PCLO: variants seen among roughly 807,000 people sequenced by gnomAD.
PCLO encodes protein piccolo.
In PCLO, 82 loss-of-function variants were observed where a neutral mutation model predicts 427.5. The ratio of observed to expected loss-of-function variants is 0.19; its 90% CI spans 0.16 to 0.23. PCLO has a LOEUF of 0.23. PCLO is among the 10% of genes least tolerant of loss of function. The probability of loss-of-function intolerance (pLI) is 1.00; values close to 1 mark genes in which losing one functional copy is unlikely to be tolerated. For missense variants in PCLO, 6,239 were observed against 6,115.9 expected (o/e 1.02, Z -0.67); for synonymous variants, 2,357 against 2,155.4 (o/e 1.09, Z -2.59).
intron 3 of PCLO, among the ~76,000 whole-genome samples, chr7:83,017,364 A>T (rs1562921089): frequency 1.3e-5 from 2 of 152,078 alleles, no homozygotes; most frequent in African/African-American, 2.4e-5. Context: ...GTAATTGAAT[A>T]GGACAAAGAA....
In PCLO at chr7:83,159,448, T is replaced by C. The variant is rs1792379656; in HGVS notation, c.248+2897A>G. Among the ~76,000 whole-genome samples the C allele has an allele frequency of 4.6e-5, 7 of 152,152 alleles. No individual in the cohort carries two copies. In the South Asian group the frequency reaches 1.4e-3, roughly 32 times the overall value. ...TAAATAGAAAGAGTAGAAAAAGTAA[T>C]GAAATTGCACTTCTCTGGGTCTACA... On this transcript the variant is annotated intron_variant, in intron 1 of 24. Coordinates refer to ENST00000333891, the MANE Select transcript of PCLO (RefSeq NM_033026.6).
chr7:82,826,122 G>A (rs6952492), intron 18 of PCLO, among the ~76,000 whole-genome samples: 2,729 of 151,578 alleles, frequency 0.018, 86 homozygotes, highest in African/African-American at 0.063. Context: ...TGATGTTAAT[G>A]TAAAAATTGT....
chr7:82,767,228 T>C (rs1237094913), intron 22 of PCLO, among the ~76,000 whole-genome samples: 1 of 152,114 alleles, frequency 6.6e-6, no homozygotes, highest in Non-Finnish European at 1.5e-5. Context: ...CATTAGAAAA[T>C]GCTTTGACCA....
intron 14 of PCLO, among the ~76,000 whole-genome samples, chr7:82,840,824 T>C (rs137935203): frequency 7.6e-4 from 116 of 152,094 alleles, no homozygotes; most frequent in Non-Finnish European, 1.4e-3. Flanking sequence ...TATTTCTTAT[T>C]TAGTCTAAAT....
intron 20 of PCLO, chr7:82,822,139 T>G (rs1293853648): frequency 9.5e-7 from 1 of 1,056,740 alleles, no homozygotes; most frequent in Non-Finnish European, 1.1e-6. Flanking sequence ...GGCAGCCACT[T>G]GTGCTTATAA....
chr7:82,814,589 C>T (rs567052879), intron 20 of PCLO, among the ~76,000 whole-genome samples: 2 of 150,844 alleles, frequency 1.3e-5, no homozygotes, highest in Non-Finnish European at 3.0e-5. Context: ...TTTAATAATC[C>T]AAAGAACTTT....
intron 9 of PCLO, 33 bp downstream of exon 9, chr7:82,902,617 CA>C (rs750224864): frequency 1.7e-4 from 222 of 1,272,612 alleles, no homozygotes; most frequent in Non-Finnish European, 2.2e-4. Flanking sequence ...AACAAAAAAA[CA>C]AAAAAAATAT....
At chr7:82,804,488 C>A (rs980245590) in intron 21 of PCLO, among the ~76,000 whole-genome samples, 3 of 152,088 alleles carry the variant, frequency 2.0e-5, no homozygotes, top group South Asian at 2.1e-4. Context: ...TTTATAAGAA[C>A]CTTTATTTTA....
intron 21 of PCLO, among the ~76,000 whole-genome samples, chr7:82,802,268 A>AAT (rs5885311): frequency 0.42 from 64,258 of 151,232 alleles, 14,421 homozygotes; most frequent in African/African-American, 0.56. Context: ...ATGAAAAAAA[A>AAT]CACATGAAAA....
chr7:83,138,164 A>C (rs1031820574), intron 2 of PCLO, among the ~76,000 whole-genome samples: 4 of 152,196 alleles, frequency 2.6e-5, no homozygotes, highest in African/African-American at 9.7e-5. Context: ...ACTTTTTTCT[A>C]TAAAATACCT....
intron 6 of PCLO, among the ~76,000 whole-genome samples, chr7:82,947,958 T>C (rs951770061): frequency 2.0e-5 from 3 of 152,150 alleles, no homozygotes; most frequent in African/African-American, 7.2e-5. Flanking sequence ...AAATAGTCAA[T>C]ATTCCACCTG....
intron 3 of PCLO, among the ~76,000 whole-genome samples, chr7:83,099,737 C>T (rs1790689444): frequency 1.3e-5 from 2 of 152,120 alleles, no homozygotes; most frequent in African/African-American, 2.4e-5. Flanking sequence ...GTATGATACA[C>T]TTGCAAATCT....
intron 3 of PCLO, among the ~76,000 whole-genome samples, chr7:83,022,085 G>A (rs906592822): frequency 6.6e-6 from 1 of 152,164 alleles, no homozygotes; most frequent in Admixed American, 6.5e-5. Flanking sequence ...GGCCTTTTGT[G>A]TAGTACTGAA....
Position 83,020,234 on chromosome 7 carries a change from A to T in PCLO, c.3301-53747T>A, listed in dbSNP as rs1583914807. 3.3e-5 allele frequency among the ~76,000 whole-genome samples: 5 copies of T among 152,000 alleles called. No individual in the cohort carries two copies. The South Asian group carries it at 8.3e-4, about 25-fold the overall frequency. Reference sequence around the variant, plus strand: ...TCTGAGAGAAGTGTAGGAAACAAAAACTAGTTTTGTGTTGTTGATGCATGC... The same window carrying T: ...TCTGAGAGAAGTGTAGGAAACAAAATCTAGTTTTGTGTTGTTGATGCATGC... On this transcript the variant is annotated intron_variant, in intron 3 of 24. Coordinates refer to ENST00000333891, the MANE Select transcript of PCLO (RefSeq NM_033026.6).
intron 13 of PCLO, among the ~76,000 whole-genome samples, chr7:82,843,050 T>C (rs1205222101): frequency 1.3e-5 from 2 of 152,164 alleles, no homozygotes; most frequent in African/African-American, 2.4e-5. Flanking sequence ...ATCTCACTGC[T>C]GAGCATATAT....
intron 3 of PCLO, among the ~76,000 whole-genome samples, chr7:82,980,075 G>A (rs1009033149): frequency 6.6e-6 from 1 of 151,788 alleles, no homozygotes; most frequent in Non-Finnish European, 1.5e-5. Context: ...CTAGAACATA[G>A]TCCATTCTGT....
At chr7:82,803,309 T>C (rs1428456502) in intron 21 of PCLO, among the ~76,000 whole-genome samples, 2 of 152,134 alleles carry the variant, frequency 1.3e-5, no homozygotes, top group Non-Finnish European at 2.9e-5. Context: ...ATTGGTAATC[T>C]AGTAGATCAG....
chr7:82,849,627 G>A (rs1265657470), intron 10 of PCLO, among the ~76,000 whole-genome samples: 2 of 152,060 alleles, frequency 1.3e-5, no homozygotes, highest in Non-Finnish European at 2.9e-5. Context: ...CTCAAAAGAG[G>A]TTCTAGTAGT....
intron 10 of PCLO, among the ~76,000 whole-genome samples, chr7:82,870,794 T>C (rs1248409111): frequency 4.6e-5 from 7 of 151,816 alleles, no homozygotes; most frequent in African/African-American, 2.4e-5. Context: ...GATCTGAATA[T>C]ACATTTCTCA....
Sources: gnomAD v4.1 joint callset for allele counts (sites outside exome capture counted in the v4.1 genomes callset) on GRCh38, gnomAD v4.1.1 for gene constraint, MANE v1.5 for transcripts, NCBI Gene and HGNC (gene_info 2026-07-23, HGNC 2026-07-21) for gene names.